RAC1: variants seen among roughly 807,000 people sequenced by gnomAD.
RAC1 encodes the protein ras-related C3 botulinum toxin substrate 1.
A neutral mutation model predicts 25.2 loss-of-function variants in RAC1; 2 were observed. The observed-to-expected ratio is 0.08, with a 90% CI of 0.03 to 0.25. RAC1 has a LOEUF of 0.25. Ranked by LOEUF, RAC1 falls within the 10% of genes least tolerant of loss-of-function variation. The probability of loss-of-function intolerance (pLI) is 1.00; values close to 1 mark genes in which losing one functional copy is unlikely to be tolerated. For missense variants in RAC1, 50 were observed against 235.7 expected, an observed-to-expected ratio of 0.21 and a Z score of 5.16; for synonymous variants, 88 against 94.0, an observed-to-expected ratio of 0.94 and a Z score of 0.37.
intron 1 of RAC1, among the ~76,000 whole-genome samples, chr7:6,383,234 G>A (rs1302499734): frequency 1.3e-5 from 2 of 152,220 alleles, no homozygotes. Flanking sequence ...CCATGGAAAG[G>A]CTGTCACATT....
rs34961578 is a variant in RAC1 at position 6,377,616 on chromosome 7, A to C, written c.35+2846A>C. ...TCTCAAAAAAGCAAAAACAAAAACT[A>C]TTAGAGATACGTCTTTGGCCGGGCA... On this transcript the variant is annotated intron_variant, in intron 1 of 5. Transcript: ENST00000348035. Among the ~76,000 whole-genome samples the C allele has an allele frequency of 4.0e-3, 601 of 151,798 alleles. 6 individuals carry two copies. Among genetic ancestry groups the C allele is most frequent in the Admixed American group, 6.2e-3 (94 of 15,242 alleles).
intron 4 of RAC1, among the ~76,000 whole-genome samples, chr7:6,400,617 C>A (rs1481801245): frequency 6.6e-6 from 1 of 152,086 alleles, no homozygotes; most frequent in African/African-American, 2.4e-5. Flanking sequence ...TGAGCCACTG[C>A]ATCTGGCCCA....
chr7:6,380,903 C>G (rs1357044679), intron 1 of RAC1, among the ~76,000 whole-genome samples: 1 of 152,166 alleles, frequency 6.6e-6, no homozygotes, highest in African/African-American at 2.4e-5. Flanking sequence ...GAGTCTTGCT[C>G]TGTTGCCCAG....
intron 1 of RAC1, among the ~76,000 whole-genome samples, chr7:6,378,820 G>T (rs948267349): frequency 6.6e-6 from 1 of 152,048 alleles, no homozygotes; most frequent in Non-Finnish European, 1.5e-5. Flanking sequence ...GGGCGCGATG[G>T]CTCATGCCTG....
intron 3 of RAC1, among the ~76,000 whole-genome samples, chr7:6,393,724 C>A (rs1783153272): frequency 6.6e-6 from 1 of 152,062 alleles, no homozygotes; most frequent in Non-Finnish European, 1.5e-5. Flanking sequence ...TGGTTCTTGC[C>A]CTCAGGTAGT....
In RAC1 at chr7:6,393,467, CCT is replaced by C. The variant is rs1288656629; in HGVS notation, c.225+1431_225+1432del. ...TCAGGGGGTACCGGGCAGGGTGAGG[CCT>C]CTCTAAGGAAGGCCTCACAGTAAGT... is the stretch of plus-strand genomic sequence containing the variant. On this transcript the variant is annotated intron_variant, in intron 3 of 5. Transcript: ENST00000348035. Among the ~76,000 whole-genome samples the C allele has an allele frequency of 1.2e-4, 18 of 152,218 alleles. No homozygotes were observed. In the East Asian group the frequency reaches 3.5e-3, roughly 29 times the overall value.
intron 1 of RAC1, among the ~76,000 whole-genome samples, chr7:6,379,343 C>T (rs567323395): frequency 2.1e-5 from 3 of 142,336 alleles, no homozygotes; most frequent in African/African-American, 7.8e-5. Flanking sequence ...GGTGCGATCT[C>T]GGCTCACTGC....
At chr7:6,396,692 C>G (rs571479692) in intron 3 of RAC1, among the ~76,000 whole-genome samples, 16 of 152,110 alleles carry the variant, frequency 1.1e-4, no homozygotes, top group Admixed American at 1.0e-3. Context: ...TAGATGAAAC[C>G]CAGATAGCTG....
intron 2 of RAC1, among the ~76,000 whole-genome samples, chr7:6,390,292 T>C (rs550500974): frequency 6.6e-6 from 1 of 151,836 alleles, no homozygotes; most frequent in East Asian, 1.9e-4. Flanking sequence ...TATAGAAATT[T>C]AGCATTTAAT....
In RAC1 at chr7:6,402,167, T is replaced by C. The variant is rs1481347623; in HGVS notation, c.448+140T>C. The stretch of plus-strand genomic sequence containing the variant: ...CTTGGGGAACCAGCTGGCAAGGCCC[T>C]GTGGGTCTTAACGTCAGCGTTGGAA... On this transcript the variant is annotated intron_variant, in intron 5 of 5. Coordinates refer to ENST00000348035, the MANE Select transcript of RAC1 (RefSeq NM_006908.5). The C allele has an allele frequency of 9.7e-6, 14 of 1,445,400 alleles. No individual in the cohort carries two copies. The East Asian group carries it at 3.2e-4, about 33-fold the overall frequency. The allele number at this position is 1,445,400 out of a possible 1,614,324, so 89.5% of individuals were successfully genotyped here.
At chr7:6,399,654 G>T (rs976363922) in intron 3 of RAC1, among the ~76,000 whole-genome samples, 20 of 152,324 alleles carry the variant, frequency 1.3e-4, no homozygotes, top group African/African-American at 4.8e-4. Flanking sequence ...GGAGGGAAGG[G>T]CTCAAGTAGC....
chr7:6,401,714 G>T, intron 4 of RAC1, 154 bp from the exon 5 acceptor site: 1 of 672,080 alleles, frequency 1.5e-6, no homozygotes, highest in Non-Finnish European at 2.5e-6. Flanking sequence ...ATGGCTCAAG[G>T]CTTGAATTGA....
intron 3 of RAC1, among the ~76,000 whole-genome samples, chr7:6,394,412 C>G (rs899425181): frequency 6.6e-6 from 1 of 152,162 alleles, no homozygotes; most frequent in Non-Finnish European, 1.5e-5. Context: ...TGCACAGAAT[C>G]AAGTCTTGTC....
chr7:6,381,222 G>C (rs769126347), intron 1 of RAC1, among the ~76,000 whole-genome samples: 1 of 152,136 alleles, frequency 6.6e-6, no homozygotes, highest in Non-Finnish European at 1.5e-5. Flanking sequence ...TCTTATTTTT[G>C]AACTCTTGTG....
chr7:6,402,536 A>AAAAAAAAAAAC lies in RAC1; in HGVS notation c.*91_*92insAAAAAAAAACA. The AAAAAAAAAAAC allele has an allele frequency of 3.2e-6, 3 of 947,912 alleles. No homozygotes were observed. Among genetic ancestry groups the AAAAAAAAAAAC allele is most frequent in the East Asian group, 1.0e-4 (2 of 19,624 alleles). 58.7% of individuals were successfully genotyped at this position (947,912 alleles called of 1,614,324 possible). On this transcript the variant is annotated 3_prime_UTR_variant, in exon 6 of 6. Transcript: ENST00000348035. ...ACAAAAAAAAAAAACAAAAAAAAAA[A>AAAAAAAAAAAC]ACAACGGTGGAGCCTTCGCACTCAA...
At chr7:6,389,141 G>T (rs1331530344) in intron 2 of RAC1, among the ~76,000 whole-genome samples, 2 of 151,572 alleles carry the variant, frequency 1.3e-5, no homozygotes, top group Non-Finnish European at 2.9e-5. Context: ...AGCAGAGGTT[G>T]CAGTGAGCCA....
intron 1 of RAC1, among the ~76,000 whole-genome samples, chr7:6,376,959 C>G (rs1367846361): frequency 6.6e-6 from 1 of 151,896 alleles, no homozygotes; most frequent in Non-Finnish European, 1.5e-5. Flanking sequence ...TCTGGACCGT[C>G]CCTTCAAATC....
intron 2 of RAC1, among the ~76,000 whole-genome samples, 197 bp downstream of exon 2, chr7:6,387,480 T>G (rs959298444): frequency 2.0e-5 from 3 of 152,140 alleles, no homozygotes; most frequent in Admixed American, 1.3e-4. Flanking sequence ...CTCAGCACTT[T>G]GGGAGACTGA....
At chr7:6,389,229 A>G (rs534090682) in intron 2 of RAC1, among the ~76,000 whole-genome samples, 1 of 151,300 alleles carries the variant, frequency 6.6e-6, no homozygotes, top group Admixed American at 6.6e-5. Flanking sequence ...TTAAAAAATT[A>G]TTTTTTGGTA....
Sources: allele counts gnomAD v4.1 joint callset (sites outside exome capture counted in the v4.1 genomes callset), GRCh38; gene constraint gnomAD v4.1.1; transcripts MANE v1.5; gene names NCBI Gene and HGNC (gene_info 2026-07-23, HGNC 2026-07-21).